Variants in TK2 observed in about 807,000 individuals in gnomAD.
TK2 encodes the protein thymidine kinase 2.
Under a neutral mutation model 41.9 loss-of-function variants are expected in TK2, and 35 were observed. That is an observed-to-expected ratio of 0.84 (90% CI 0.64 to 1.11). The LOEUF (loss-of-function observed/expected upper bound fraction) is 1.11, where lower values mean the gene tolerates loss of function less well. Ranked by LOEUF, TK2 falls within the 50% of genes least tolerant of loss-of-function variation. The probability of loss-of-function intolerance (pLI) is 0.00; values close to 1 mark genes in which losing one functional copy is unlikely to be tolerated. For missense variants in TK2, 320 were observed against 351.1 expected (o/e 0.91, Z 0.71); for synonymous variants, 128 against 129.1 (o/e 0.99, Z 0.06).
At chr16:66,522,456 A>G (rs943844636) in intron 6 of TK2, among the ~76,000 whole-genome samples, 4 of 152,220 alleles carry the variant, frequency 2.6e-5, no homozygotes, top group Non-Finnish European at 4.4e-5. Flanking sequence ...GCAATCTTGT[A>G]AAACCTTTGC....
chr16:66,534,420 T>C (rs1567535423), intron 4 of TK2, among the ~76,000 whole-genome samples: 1 of 152,240 alleles, frequency 6.6e-6, no homozygotes, highest in Non-Finnish European at 1.5e-5. Flanking sequence ...CCTAAATCAG[T>C]TCTTGCCACT....
At chr16:66,549,874 C>G in intron 1 of TK2, 64 bp downstream of exon 1, 1 of 1,290,672 alleles carries the variant, frequency 7.7e-7, no homozygotes, top group Non-Finnish European at 9.7e-7. Flanking sequence ...TTCCGGAAGC[C>G]GAGGGGCCGG....
intron 3 of TK2, among the ~76,000 whole-genome samples, chr16:66,539,424 C>A (rs1283753566): frequency 6.6e-6 from 1 of 151,834 alleles, no homozygotes; most frequent in Non-Finnish European, 1.5e-5. Flanking sequence ...CATGGTGAAA[C>A]CCCATCTCTA....
rs1156499311 is a variant in TK2 at position 66,508,230 on chromosome 16, C to T, written c.*3738G>A. ...CCCATTCTGGATTCCACGACATAGG[C>T]TTTCTCTTAGCTTCTGTTTAATGAT... On this transcript the variant is annotated 3_prime_UTR_variant, in exon 10 of 10. Coordinates refer to ENST00000544898, the MANE Select transcript of TK2 (RefSeq NM_004614.5). 1.3e-5 allele frequency: 2 copies of T among 152,194 alleles called. No individual in the cohort carries two copies. The highest frequency in any genetic ancestry group is 2.9e-5 in the Non-Finnish European group (2 of 68,022). 9.4% of individuals were successfully genotyped at this position (152,194 alleles called of 1,614,324 possible).
intron 6 of TK2, among the ~76,000 whole-genome samples, chr16:66,521,392 G>C (rs368870247): frequency 7.9e-5 from 12 of 152,304 alleles, no homozygotes; most frequent in African/African-American, 2.9e-4. Flanking sequence ...CAAACAAAAG[G>C]CTTCCCCCAC....
chr16:66,520,504 A>G (rs569527774), intron 6 of TK2, among the ~76,000 whole-genome samples: 8 of 152,312 alleles, frequency 5.3e-5, no homozygotes, highest in African/African-American at 1.9e-4. Context: ...CAGGGGCCCA[A>G]TTTGGATTAG....
rs1567543241 is a variant in TK2, at chr16:66,548,993, T to C, written c.141A>G (p.Lys47=). The change falls in exon 2 of 10, where the codon AAA becomes AAG. Residue 47 remains lysine, a synonymous_variant. Coordinates refer to ENST00000544898, the MANE Select transcript of TK2 (RefSeq NM_004614.5). ...RAWPPDKEQE[K]EKKSVICVEG... is the part of the protein sequence containing the mutation. ...AGGGACTTACCACTGATTTTTTCTC[T>C]TTTTCCTGTTCTTTATCTACAAAAG... 1 of 1,613,816 alleles carries C rather than the reference T, an allele frequency of 6.2e-7. No homozygotes were observed. Among genetic ancestry groups the C allele is most frequent in the Non-Finnish European group, 8.5e-7 (1 of 1,179,726 alleles).
chr16:66,549,043 C>T (rs766521835), intron 1 of TK2, 34 bp from the exon 2 acceptor site: 1 of 1,612,874 alleles, frequency 6.2e-7, no homozygotes, highest in Non-Finnish European at 8.5e-7. Context: ...TTTAAACTCA[C>T]TTTTAAATAA....
intron 2 of TK2, among the ~76,000 whole-genome samples, chr16:66,547,620 C>T (rs75649768): frequency 0.024 from 3,631 of 152,092 alleles, 128 homozygotes; most frequent in African/African-American, 0.082. Flanking sequence ...AGCCACCATA[C>T]TCACTGCTGT....
At chr16:66,512,971 G>A (rs1428433559) in intron 9 of TK2, among the ~76,000 whole-genome samples, 1 of 152,048 alleles carries the variant, frequency 6.6e-6, no homozygotes, top group Non-Finnish European at 1.5e-5. Flanking sequence ...CAAAGCTTGC[G>A]CACAACCCTG....
rs181277430 is a variant in TK2 at position 66,514,359 on chromosome 16, G to C, written c.619-548C>G. Among the ~76,000 whole-genome samples the C allele has an allele frequency of 1.7e-3, 260 of 152,376 alleles. 1 individual carries two copies. The highest frequency in any genetic ancestry group is 3.1e-3 in the Non-Finnish European group (208 of 68,034). On this transcript the variant is annotated intron_variant, in intron 8 of 9. Coordinates refer to ENST00000544898, the MANE Select transcript of TK2 (RefSeq NM_004614.5). The surrounding 1 kb of genome is among the most constrained non-coding windows in gnomAD (Gnocchi z 4.2). ...TGGTCTCCAGCTCCTAACCGCGAGT[G>C]ATCCGCCAGCCTCGGCCTCCCGAGG...
chr16:66,544,228 A>G (rs1289453380), intron 2 of TK2, among the ~76,000 whole-genome samples: 1 of 152,140 alleles, frequency 6.6e-6, no homozygotes, highest in East Asian at 1.9e-4. Context: ...GAATCTCACA[A>G]AGTTCCCCTG....
chr16:66,548,266 C>A (rs1178047874), intron 2 of TK2, among the ~76,000 whole-genome samples: 1 of 152,164 alleles, frequency 6.6e-6, no homozygotes, highest in Non-Finnish European at 1.5e-5. Context: ...TGGGGGCCTG[C>A]CCGCACTGTC....
chr16:66,533,777 G>A (rs1189921158), intron 4 of TK2, among the ~76,000 whole-genome samples: 3 of 152,032 alleles, frequency 2.0e-5, no homozygotes, highest in Non-Finnish European at 4.4e-5. Context: ...GGAGGCCGAG[G>A]TGCGCGGATC....
At chr16:66,519,923 G>C (rs8044223) in intron 6 of TK2, among the ~76,000 whole-genome samples, 1 of 152,118 alleles carries the variant, frequency 6.6e-6, no homozygotes, top group Non-Finnish European at 1.5e-5. Flanking sequence ...GGCACTCTGG[G>C]AGGCCAAGGG....
chr16:66,520,410 G>C (rs941004120), intron 6 of TK2, among the ~76,000 whole-genome samples: 11 of 152,146 alleles, frequency 7.2e-5, no homozygotes, highest in Admixed American at 7.2e-4. Flanking sequence ...AGGCACAATC[G>C]GTCTAAAGGA....
intron 6 of TK2, among the ~76,000 whole-genome samples, chr16:66,520,521 G>A (rs756239029): frequency 6.6e-5 from 10 of 152,292 alleles, no homozygotes; most frequent in Non-Finnish European, 1.2e-4. Context: ...TTAGGCAGGC[G>A]TGAGGGAGGT....
intron 6 of TK2, among the ~76,000 whole-genome samples, chr16:66,523,280 C>T (rs1964834760): frequency 6.6e-6 from 1 of 152,144 alleles, no homozygotes; most frequent in African/African-American, 2.4e-5. Flanking sequence ...AAGGGCTCCC[C>T]ATCATGGCAT....
chr16:66,531,841 T>C (rs928824375), intron 4 of TK2, among the ~76,000 whole-genome samples: 1 of 152,152 alleles, frequency 6.6e-6, no homozygotes, highest in Non-Finnish European at 1.5e-5. Flanking sequence ...CTAAGCTAAT[T>C]AATGCAGGAA....
Sources: gnomAD v4.1 joint callset for allele counts (sites outside exome capture counted in the v4.1 genomes callset) on GRCh38, gnomAD v4.1.1 for gene constraint, Gnocchi (gnomAD v3.1) non-coding constraint, MANE v1.5 for transcripts, NCBI Gene and HGNC (gene_info 2026-07-23, HGNC 2026-07-21) for gene names.